The following HIP1 variants were observed in gnomAD, a reference collection of about 807,000 sequenced individuals.
The protein encoded by HIP1 is huntingtin-interacting protein 1.
A neutral mutation model predicts 147.6 loss-of-function variants in HIP1; 65 were observed. The observed-to-expected ratio is 0.44, with a 90% CI of 0.36 to 0.54. The LOEUF (loss-of-function observed/expected upper bound fraction) is 0.54, where lower values mean the gene tolerates loss of function less well. Ranked by LOEUF, HIP1 falls within the 20% of genes least tolerant of loss-of-function variation. The pLI, the probability that HIP1 is intolerant of heterozygous loss-of-function variation, is 0.00. For synonymous variants in HIP1, 479 were observed against 504.0 expected (o/e 0.95, Z 0.67); for missense variants, 1,061 against 1,299.6 (o/e 0.82, Z 2.82).
intron 1 of HIP1, chr7:75,625,946 C>T (rs1798021089): frequency 6.6e-6 from 1 of 152,064 alleles, no homozygotes; most frequent in Non-Finnish European, 1.5e-5. Context: ...CCCTTTCTAC[C>T]TCTTCTGCAT....
At chr7:75,690,484 G>A (rs536312588) in intron 1 of HIP1, among the ~76,000 whole-genome samples, 1 of 152,300 alleles carries the variant, frequency 6.6e-6, no homozygotes, top group East Asian at 1.9e-4. Flanking sequence ...TGGCAAGAAT[G>A]TAAAGAAACC....
At chr7:75,617,100 G>C (rs1443089475) in intron 1 of HIP1, among the ~76,000 whole-genome samples, 3 of 146,394 alleles carry the variant, frequency 2.0e-5, no homozygotes, top group Non-Finnish European at 4.5e-5. Flanking sequence ...TTTTGAGATG[G>C]AGTTTTGCTC....
chr7:75,555,182 A>G (rs1359759124), intron 19 of HIP1, among the ~76,000 whole-genome samples: 9 of 19,174 alleles, frequency 4.7e-4, no homozygotes, highest in African/African-American at 1.2e-3. Flanking sequence ...CCCTATCTCA[A>G]AAAGCGGGGG....
At chr7:75,540,665 A>G (rs914097788) in intron 29 of HIP1, among the ~76,000 whole-genome samples, 3 of 152,036 alleles carry the variant, frequency 2.0e-5, no homozygotes, top group Admixed American at 6.6e-5. Context: ...TAACAATTCC[A>G]ATTTGAAATT....
At chr7:75,617,584 T>G (rs1797713483) in intron 1 of HIP1, among the ~76,000 whole-genome samples, 1 of 152,084 alleles carries the variant, frequency 6.6e-6, no homozygotes, top group African/African-American at 2.4e-5. Flanking sequence ...GCTGCCTCCC[T>G]CCATAAGAGA....
At chr7:75,728,989 T>G (rs111489307) in intron 1 of HIP1, among the ~76,000 whole-genome samples, 4,717 of 151,068 alleles carry the variant, frequency 0.031, 296 homozygotes, top group Admixed American at 0.15. Context: ...GCTCACTACC[T>G]AGGTGACAGG....
intron 4 of HIP1, among the ~76,000 whole-genome samples, chr7:75,588,080 C>T (rs1277584071): frequency 6.6e-6 from 1 of 152,132 alleles, no homozygotes; most frequent in Admixed American, 6.6e-5. Flanking sequence ...GGAAGTCCTC[C>T]CTAAGGACTA....
chr7:75,599,063 G>T, intron 2 of HIP1, 121 bp downstream of exon 2: 1 of 731,594 alleles, frequency 1.4e-6, no homozygotes, highest in Non-Finnish European at 2.5e-6. Flanking sequence ...AAGCTGCAGG[G>T]ACCTGGCCTG....
chr7:75,534,117 C>T lies in HIP1; in HGVS notation c.*4055G>A, dbSNP rs1397058831. The T allele has an allele frequency of 8.7e-6, 2 of 231,016 alleles. No individual in the cohort carries two copies. Among genetic ancestry groups the T allele is most frequent in the Non-Finnish European group, 1.7e-5 (2 of 116,768 alleles). The allele number at this position is 231,016 out of a possible 1,614,324, so 14.3% of individuals were successfully genotyped here. A position where few individuals can be genotyped will look rare whatever the true frequency, so the allele number is the denominator to read the frequency against. ...GGAACTTCCAGCTGCAAGCTGAGAACTAGCTCCTGCACAGGGTCGAGGGGC... is the reference window on the plus strand; with the variant it reads ...GGAACTTCCAGCTGCAAGCTGAGAATTAGCTCCTGCACAGGGTCGAGGGGC... On this transcript the variant is annotated 3_prime_UTR_variant, in exon 31 of 31. Coordinates refer to ENST00000336926, the MANE Select transcript of HIP1 (RefSeq NM_005338.7).
intron 1 of HIP1, among the ~76,000 whole-genome samples, chr7:75,729,736 A>T (rs1801772078): frequency 6.6e-6 from 1 of 152,156 alleles, no homozygotes; most frequent in African/African-American, 2.4e-5. Context: ...CAGTGAGCCG[A>T]GATCGCGCTA....
chr7:75,737,589 A>G lies in HIP1; in HGVS notation c.120+1212T>C, dbSNP rs1337665735. Among the ~76,000 whole-genome samples, 3 of 149,742 alleles carry G rather than the reference A, an allele frequency of 2.0e-5. No homozygotes were observed. In the East Asian group the frequency reaches 6.1e-4, roughly 31 times the overall value. On this transcript the variant is annotated intron_variant, in intron 1 of 30. Coordinates refer to ENST00000336926, the MANE Select transcript of HIP1 (RefSeq NM_005338.7). ...TCAAACTCCTGACGTCAGGTGATCC[A>G]CCCGCCTCGGCCTCCCAAAGTGCTG...
intron 1 of HIP1, among the ~76,000 whole-genome samples, chr7:75,658,231 G>A (rs1799203849): frequency 6.6e-6 from 1 of 152,066 alleles, no homozygotes; most frequent in South Asian, 2.1e-4. Flanking sequence ...GGGATTACAC[G>A]CATCTGCCAT....
At chr7:75,610,292 T>C (rs1317236265) in intron 1 of HIP1, among the ~76,000 whole-genome samples, 3 of 151,314 alleles carry the variant, frequency 2.0e-5, no homozygotes, top group Non-Finnish European at 4.4e-5. Flanking sequence ...CACTGCAGCC[T>C]TGAACGCCTG....
intron 1 of HIP1, among the ~76,000 whole-genome samples, chr7:75,621,933 G>A (rs2117094936): frequency 6.6e-6 from 1 of 152,248 alleles, no homozygotes; most frequent in South Asian, 2.1e-4. Flanking sequence ...CACCCACCAG[G>A]TATCCCAGTG....
intron 1 of HIP1, among the ~76,000 whole-genome samples, chr7:75,622,646 G>A (rs1468480527): frequency 6.6e-6 from 1 of 152,128 alleles, no homozygotes; most frequent in Non-Finnish European, 1.5e-5. Flanking sequence ...GAGGTTGGGG[G>A]AAGCCAGGAG....
intron 3 of HIP1, 31 bp from the exon 4 acceptor site, chr7:75,592,143 A>G: frequency 2.5e-6 from 4 of 1,599,784 alleles, no homozygotes; most frequent in Non-Finnish European, 3.4e-6. Flanking sequence ...CCTGTGAGAG[A>G]ATGGAGAAGG....
At chr7:75,635,515 C>T (rs1201290935) in intron 1 of HIP1, among the ~76,000 whole-genome samples, 1 of 132,150 alleles carries the variant, frequency 7.6e-6, no homozygotes, top group Non-Finnish European at 1.5e-5. Context: ...GAGGCGGAGG[C>T]GGTGGTGAGC....
chr7:75,575,399 G>T (rs1293948056), intron 7 of HIP1, among the ~76,000 whole-genome samples: 3 of 152,160 alleles, frequency 2.0e-5, no homozygotes, highest in African/African-American at 7.2e-5. Flanking sequence ...GGTGGAGGTT[G>T]CAGTGAGCTG....
intron 1 of HIP1, among the ~76,000 whole-genome samples, chr7:75,624,450 T>C (rs782559171): frequency 6.6e-6 from 1 of 152,082 alleles, no homozygotes; most frequent in Non-Finnish European, 1.5e-5. Context: ...GAAAAAGAGC[T>C]ATGAGATTCA....
Sources: allele counts gnomAD v4.1 joint callset (sites outside exome capture counted in the v4.1 genomes callset), GRCh38; gene constraint gnomAD v4.1.1; transcripts MANE v1.5; gene names NCBI Gene and HGNC (gene_info 2026-07-23, HGNC 2026-07-21).